The following PARD3B variants were observed in gnomAD, a reference collection of about 807,000 sequenced individuals.
The protein encoded by PARD3B is par-3 family cell polarity regulator beta.
Under a neutral mutation model 130.2 loss-of-function variants are expected in PARD3B, and 103 were observed. The ratio of observed to expected loss-of-function variants is 0.79; its 90% CI spans 0.67 to 0.93. The LOEUF (loss-of-function observed/expected upper bound fraction) is 0.93. Among genes scored for constraint, PARD3B ranks in the 40% least tolerant of loss-of-function variants. PARD3B has a pLI of 0.00. For synonymous variants in PARD3B, 583 were observed against 553.2 expected, an observed-to-expected ratio of 1.05 and a Z score of -0.76; for missense variants, 1,609 against 1,499.2, an observed-to-expected ratio of 1.07 and a Z score of -1.21.
intron 2 of PARD3B, among the ~76,000 whole-genome samples, chr2:204,899,369 G>C (rs2046776550): frequency 6.6e-6 from 1 of 150,378 alleles, no homozygotes; most frequent in Non-Finnish European, 1.5e-5. Flanking sequence ...GCTTTATATT[G>C]TTCGTGAGTC....
In PARD3B at chr2:205,301,581, C is replaced by T. The variant is rs374843237; in HGVS notation, c.2510C>T (p.Thr837Met). 49 of 1,612,608 alleles carry T rather than the reference C, an allele frequency of 3.0e-5. No homozygotes were observed. The East Asian group carries it at 3.6e-4, about 12-fold the overall frequency. The change falls in exon 18 of 23, where the codon ACG (threonine) becomes ATG (methionine). Residue 837 changes from threonine (T) to methionine (M), a missense_variant. By Grantham distance (81) the Thr-to-Met change is moderately conservative (BLOSUM62 -1). Coordinates refer to ENST00000406610, the MANE Select transcript of PARD3B (RefSeq NM_001302769.2). This position sits in a 1 kb window ranked among gnomAD's most constrained non-coding sequence, Gnocchi z 5.2. The stretch of plus-strand genomic sequence containing the variant: ...AATAAAGCCAGGAAAGTCAAAAAAA[C>T]GAAAGAGAAGGAGAAGAAAAAGGAA... Reference protein sequence around the residue: ...MENKARKVKKTKEKEKKKEKG... With the variant: ...MENKARKVKKMKEKEKKKEKG...
chr2:205,426,563 T>A (rs2047154740), intron 19 of PARD3B, among the ~76,000 whole-genome samples: 1 of 152,140 alleles, frequency 6.6e-6, no homozygotes, highest in Non-Finnish European at 1.5e-5. Flanking sequence ...CGACTACCAT[T>A]ACCACTATAG....
chr2:205,102,646 G>C (rs1173263968), intron 4 of PARD3B, among the ~76,000 whole-genome samples: 2 of 152,146 alleles, frequency 1.3e-5, no homozygotes, highest in African/African-American at 4.8e-5. Flanking sequence ...AGTAGACCAA[G>C]TGTTTCACAA....
intron 2 of PARD3B, among the ~76,000 whole-genome samples, chr2:204,841,981 A>T (rs10198813): frequency 0.027 from 4,169 of 152,252 alleles, 84 homozygotes; most frequent in Middle Eastern, 0.051. Flanking sequence ...CATGAATAAC[A>T]TACTTCAGGT....
chr2:205,197,850 T>C (rs1300613075), intron 15 of PARD3B, among the ~76,000 whole-genome samples: 1 of 152,180 alleles, frequency 6.6e-6, no homozygotes, highest in Non-Finnish European at 1.5e-5. Context: ...ATAATTGAGC[T>C]TGTGTGGGTG....
At chr2:205,561,502 A>G (rs1157193026) in intron 22 of PARD3B, among the ~76,000 whole-genome samples, 1 of 152,172 alleles carries the variant, frequency 6.6e-6, no homozygotes, top group Non-Finnish European at 1.5e-5. Context: ...TCTGTACAAC[A>G]AGTACTTCTC....
At chr2:204,941,892 T>G (rs2125803954) in intron 2 of PARD3B, among the ~76,000 whole-genome samples, 1 of 152,298 alleles carries the variant, frequency 6.6e-6, no homozygotes, top group African/African-American at 2.4e-5. Context: ...AAATGTCAAA[T>G]ATAACCACTA....
chr2:204,951,755 T>C (rs1464613748), intron 2 of PARD3B, among the ~76,000 whole-genome samples: 1 of 152,024 alleles, frequency 6.6e-6, no homozygotes, highest in African/African-American at 2.4e-5. Context: ...GATAGAGAAA[T>C]GTGGTTAGAA....
At chr2:205,238,313 A>C (rs916983686) in intron 15 of PARD3B, among the ~76,000 whole-genome samples, 1 of 151,970 alleles carries the variant, frequency 6.6e-6, no homozygotes, top group Non-Finnish European at 1.5e-5. Context: ...CTACTTAAAA[A>C]CCTTCTTCTA....
intron 4 of PARD3B, among the ~76,000 whole-genome samples, chr2:205,072,592 A>C (rs1341511712): frequency 6.6e-6 from 1 of 152,170 alleles, no homozygotes; most frequent in African/African-American, 2.4e-5. Context: ...ATTTTATTTC[A>C]TATCAGTGGT....
chr2:204,999,181 G>T (rs1355069253), intron 3 of PARD3B, among the ~76,000 whole-genome samples: 2 of 148,364 alleles, frequency 1.3e-5, no homozygotes, highest in African/African-American at 5.0e-5. Context: ...TCCAATTGTT[G>T]AACTGCAAAC....
At chr2:205,398,097 G>A (rs1475411295) in intron 18 of PARD3B, among the ~76,000 whole-genome samples, 2 of 151,962 alleles carry the variant, frequency 1.3e-5, no homozygotes, top group East Asian at 1.9e-4. Flanking sequence ...TCAGGAGTTC[G>A]AGACCAGCCT....
At chr2:205,528,816 T>G (rs2051452491) in intron 21 of PARD3B, among the ~76,000 whole-genome samples, 1 of 152,158 alleles carries the variant, frequency 6.6e-6, no homozygotes, top group South Asian at 2.1e-4. Flanking sequence ...CTCAACAAGC[T>G]AGCCTAACGA....
At chr2:205,240,408 G>A (rs1396766817) in intron 15 of PARD3B, among the ~76,000 whole-genome samples, 1 of 152,022 alleles carries the variant, frequency 6.6e-6, no homozygotes, top group Non-Finnish European at 1.5e-5. Flanking sequence ...CTTCAAAATT[G>A]CAGTCTCTAT....
intron 2 of PARD3B, among the ~76,000 whole-genome samples, chr2:204,727,995 C>T (rs939246266): frequency 9.9e-5 from 15 of 152,052 alleles, no homozygotes; most frequent in Admixed American, 5.9e-4. Context: ...GTGAAATCAG[C>T]GGTGCAGCAA....
At chr2:204,612,412 A>G (rs2033962060) in intron 1 of PARD3B, among the ~76,000 whole-genome samples, 1 of 152,218 alleles carries the variant, frequency 6.6e-6, no homozygotes, top group South Asian at 2.1e-4. Context: ...GTGAAACGTT[A>G]GATAGGAGAC....
intron 15 of PARD3B, among the ~76,000 whole-genome samples, chr2:205,213,087 G>C (rs879602616): frequency 3.9e-5 from 6 of 152,068 alleles, no homozygotes; most frequent in Non-Finnish European, 7.4e-5. Flanking sequence ...CATTATGGCT[G>C]TTTCAAATAA....
chr2:205,408,842 G>A (rs942515460), intron 19 of PARD3B, among the ~76,000 whole-genome samples: 4 of 152,080 alleles, frequency 2.6e-5, no homozygotes, highest in African/African-American at 9.7e-5. Context: ...AGGTCCTGTG[G>A]TTTGGGTAAA....
chr2:205,264,499 A>G (rs182931728), intron 16 of PARD3B, among the ~76,000 whole-genome samples: 11 of 151,310 alleles, frequency 7.3e-5, no homozygotes, highest in Admixed American at 2.6e-4. Context: ...ATTGACTTAT[A>G]TATTTATATT....
Sources: allele counts gnomAD v4.1 joint callset (sites outside exome capture counted in the v4.1 genomes callset), GRCh38; gene constraint gnomAD v4.1.1; non-coding constraint Gnocchi (gnomAD v3.1); transcripts MANE v1.5; gene names NCBI Gene and HGNC (gene_info 2026-07-23, HGNC 2026-07-21).